Variants in VAPB observed in about 807,000 individuals in gnomAD.
The protein encoded by VAPB is VAMP associated protein B and C, also known as vesicle-associated membrane protein-associated protein B/C.
A neutral mutation model predicts 25.6 loss-of-function variants in VAPB; 7 were observed. The observed-to-expected ratio is 0.27, with a 90% CI of 0.16 to 0.51. The LOEUF (loss-of-function observed/expected upper bound fraction) is 0.51, where lower values mean the gene tolerates loss of function less well. Ranked by LOEUF, VAPB falls within the 20% of genes least tolerant of loss-of-function variation. The probability of loss-of-function intolerance (pLI) is 0.97; values close to 1 mark genes in which losing one functional copy is unlikely to be tolerated. For missense variants in VAPB, 266 were observed against 301.3 expected, an observed-to-expected ratio of 0.88 and a Z score of 0.87; for synonymous variants, 112 against 109.2, an observed-to-expected ratio of 1.03 and a Z score of -0.16.
At position 58,450,252 on chromosome 20, in the gene VAPB, A is replaced by G. The variant is rs545796487; in HGVS notation, c.*6017A>G. The G allele has an allele frequency of 2.2e-6, 1 of 452,228 alleles. No homozygotes were observed. The highest frequency in any genetic ancestry group is 4.4e-6 in the Non-Finnish European group (1 of 225,470). The allele number at this position is 452,228 out of a possible 1,614,324, so 28.0% of individuals were successfully genotyped here. A position where few individuals can be genotyped will look rare whatever the true frequency, so the allele number is the denominator to read the frequency against. On this transcript the variant is annotated 3_prime_UTR_variant, in exon 6 of 6. Transcript: ENST00000475243. ...CCATTGCATCTTTTATGTGAATTCA[A>G]AGGTCAGAATTTATTGTCTGTGATA...
At chr20:58,405,026 A>G (rs988255283) in intron 1 of VAPB, among the ~76,000 whole-genome samples, 1 of 152,110 alleles carries the variant, frequency 6.6e-6, no homozygotes, top group Admixed American at 6.5e-5. Flanking sequence ...GAAAATATAT[A>G]TGATGTGGTG....
intron 4 of VAPB, chr20:58,439,961 ATGT>A (rs1305382075): frequency 6.6e-6 from 1 of 152,172 alleles, no homozygotes; most frequent in African/African-American, 2.4e-5. Flanking sequence ...GTACCCTGAA[ATGT>A]TGTGTTAACA....
intron 2 of VAPB, among the ~76,000 whole-genome samples, chr20:58,422,171 C>T (rs558871181): frequency 3.3e-5 from 5 of 152,100 alleles, no homozygotes; most frequent in African/African-American, 1.2e-4. Flanking sequence ...CATGGGTGCT[C>T]GTCTCATCTC....
chr20:58,400,071 A>G (rs911753454), intron 1 of VAPB, among the ~76,000 whole-genome samples: 5 of 152,214 alleles, frequency 3.3e-5, no homozygotes, highest in African/African-American at 7.2e-5. Context: ...CCTTTGCAGA[A>G]GGCCTTTGCG....
At chr20:58,441,377 C>T (rs1989158428) in intron 5 of VAPB, among the ~76,000 whole-genome samples, 4 of 151,982 alleles carry the variant, frequency 2.6e-5, no homozygotes, top group Admixed American at 6.6e-5. Flanking sequence ...TGCGGTGGCT[C>T]ACGCCTGTAA....
intron 1 of VAPB, among the ~76,000 whole-genome samples, chr20:58,398,883 G>A (rs1173748475): frequency 3.3e-5 from 5 of 151,674 alleles, no homozygotes; most frequent in Admixed American, 2.0e-4. Flanking sequence ...CGTCATGCTG[G>A]CTGTGTTTCT....
At chr20:58,403,038 G>A (rs1475946005) in intron 1 of VAPB, among the ~76,000 whole-genome samples, 1 of 151,378 alleles carries the variant, frequency 6.6e-6, no homozygotes, top group Non-Finnish European at 1.5e-5. Context: ...AGGAGAGAGG[G>A]GGGAAGAAAG....
At chr20:58,405,728 G>C (rs981949277) in intron 1 of VAPB, among the ~76,000 whole-genome samples, 21 of 134,778 alleles carry the variant, frequency 1.6e-4, no homozygotes, top group Admixed American at 7.9e-4. Context: ...GAGCCATCAC[G>C]CCTGGCCAGG....
intron 1 of VAPB, among the ~76,000 whole-genome samples, chr20:58,416,757 A>G (rs999968269): frequency 2.2e-5 from 3 of 138,904 alleles, no homozygotes; most frequent in Non-Finnish European, 4.7e-5. Context: ...CCCATATCAG[A>G]TTGATTTTTT....
chr20:58,402,778 G>A (rs991662682), intron 1 of VAPB, among the ~76,000 whole-genome samples: 31 of 152,152 alleles, frequency 2.0e-4, no homozygotes, highest in African/African-American at 7.0e-4. Flanking sequence ...TCCGAGGCAA[G>A]CGAATCAGTT....
At chr20:58,427,792 C>T (rs570107043) in intron 2 of VAPB, among the ~76,000 whole-genome samples, 1 of 151,836 alleles carries the variant, frequency 6.6e-6, no homozygotes, top group Non-Finnish European at 1.5e-5. Flanking sequence ...GATCTGTTAC[C>T]ATTATGATGC....
intron 1 of VAPB, 85 bp downstream of exon 1, chr20:58,389,602 G>A (rs1225309476): frequency 3.5e-6 from 5 of 1,445,334 alleles, no homozygotes; most frequent in East Asian, 2.9e-5. Flanking sequence ...GGGTGACGTC[G>A]GCCCTCGTCC....
intron 3 of VAPB, 67 bp from the exon 4 acceptor site, chr20:58,438,878 T>C: frequency 7.2e-7 from 1 of 1,389,452 alleles, no homozygotes; most frequent in Non-Finnish European, 1.0e-6. Flanking sequence ...AATTGTCAGT[T>C]ATAGGAAGAA....
In VAPB at chr20:58,448,597, A is replaced by G. The variant is rs1369443018; in HGVS notation, c.*4362A>G. 1.5e-5 allele frequency: 7 copies of G among 453,976 alleles called. No homozygotes were observed. The highest frequency in any genetic ancestry group is 1.4e-4 in the Admixed American group (6 of 42,552). 28.1% of individuals were successfully genotyped at this position (453,976 alleles called of 1,614,324 possible). A position where few individuals can be genotyped will look rare whatever the true frequency, so the allele number is the denominator to read the frequency against. On this transcript the variant is annotated 3_prime_UTR_variant, in exon 6 of 6. Transcript: ENST00000475243. The stretch of plus-strand genomic sequence containing the variant: ...TTGCTAAGATACCATTTCAGCTCTG[A>G]AAATCTGCTTCAGGGAAGTGAGTGG...
chr20:58,409,931 ACAC>A (rs1057433967), intron 1 of VAPB, among the ~76,000 whole-genome samples: 5 of 151,864 alleles, frequency 3.3e-5, no homozygotes, highest in Admixed American at 2.0e-4. Context: ...ACACACACAC[ACAC>A]AATACAGATA....
Position 58,450,624 on chromosome 20 carries a change from A to C in VAPB, c.*6389A>C, listed in dbSNP as rs1455946531. 2.2e-6 allele frequency: 1 copy of C among 454,134 alleles called. No homozygotes were observed. Among genetic ancestry groups the C allele is most frequent in the Admixed American group, 2.3e-5 (1 of 42,580 alleles). The allele number at this position is 454,134 out of a possible 1,614,324, so 28.1% of individuals were successfully genotyped here. A position where few individuals can be genotyped will look rare whatever the true frequency, so the allele number is the denominator to read the frequency against. ...TGCTTTCTGAATAAATGGTTTCAGTAACCCATGCTGTTCTCTCCCTATTCT... is the reference window on the plus strand; with the variant it reads ...TGCTTTCTGAATAAATGGTTTCAGTCACCCATGCTGTTCTCTCCCTATTCT... On this transcript the variant is annotated 3_prime_UTR_variant, in exon 6 of 6. Transcript: ENST00000475243.
At chr20:58,440,884 G>T in intron 4 of VAPB, 23 bp from the exon 5 acceptor site, 1 of 1,610,078 alleles carries the variant, frequency 6.2e-7, no homozygotes, top group Non-Finnish European at 8.5e-7. Flanking sequence ...GTGACACTTA[G>T]GCTTTCATTT....
intron 1 of VAPB, among the ~76,000 whole-genome samples, chr20:58,416,056 C>G (rs908534247): frequency 6.6e-6 from 1 of 152,072 alleles, no homozygotes; most frequent in Non-Finnish European, 1.5e-5. Context: ...CAGTATAGTT[C>G]CCTCCAGATT....
chr20:58,413,139 C>CTTTTTTT (rs11481028), intron 1 of VAPB, among the ~76,000 whole-genome samples: 1 of 132,590 alleles, frequency 7.5e-6, no homozygotes, highest in African/African-American at 2.8e-5. Context: ...TATTTGCCTT[C>CTTTTTTT]TTTTTTTTTT....
Sources: allele counts gnomAD v4.1 joint callset (sites outside exome capture counted in the v4.1 genomes callset), GRCh38; gene constraint gnomAD v4.1.1; transcripts MANE v1.5; gene names NCBI Gene and HGNC (gene_info 2026-07-23, HGNC 2026-07-21).